The following DST variants were observed in gnomAD, a reference collection of about 807,000 sequenced individuals.
The protein encoded by DST is bullous pemphigoid antigen.
Under a neutral mutation model 875.2 loss-of-function variants are expected in DST, and 253 were observed. The ratio of observed to expected loss-of-function variants is 0.29; its 90% confidence interval spans 0.26 to 0.32. The LOEUF is 0.32. DST is among the 10% of genes least tolerant of loss of function. The probability of loss-of-function intolerance (pLI) is 1.00; values close to 1 mark genes in which losing one functional copy is unlikely to be tolerated. For missense variants in DST, 8,287 were observed against 9,111.6 expected (o/e 0.91, Z 3.68); for synonymous variants, 3,124 against 3,197.1 (o/e 0.98, Z 0.77).
chr6:56,934,406 A>G (rs1030961203), intron 2 of DST, among the ~76,000 whole-genome samples: 1 of 151,678 alleles, frequency 6.6e-6, no homozygotes, highest in African/African-American at 2.4e-5. Flanking sequence ...AGCTAACAAT[A>G]ATAAATCACT....
intron 3 of DST, among the ~76,000 whole-genome samples, chr6:56,868,630 A>G (rs1228879939): frequency 6.6e-6 from 1 of 152,212 alleles, no homozygotes; most frequent in Non-Finnish European, 1.5e-5. Flanking sequence ...AAAAACAAAA[A>G]TAAAAACCAA....
intron 5 of DST, among the ~76,000 whole-genome samples, chr6:56,728,296 A>C (rs2099477063): frequency 6.6e-6 from 1 of 152,218 alleles, no homozygotes; most frequent in Non-Finnish European, 1.5e-5. Context: ...GGTTCAAAAG[A>C]TATTTTGCTA....
At chr6:56,798,706 C>A (rs1408083199) in intron 4 of DST, among the ~76,000 whole-genome samples, 1 of 152,050 alleles carries the variant, frequency 6.6e-6, no homozygotes, top group African/African-American at 2.4e-5. Flanking sequence ...AATAGTGATT[C>A]CTCTGATGGA....
chr6:56,582,867 T>C (rs563178998), intron 49 of DST, among the ~76,000 whole-genome samples: 116 of 152,234 alleles, frequency 7.6e-4, no homozygotes, highest in African/African-American at 2.5e-3. Flanking sequence ...GGCCTTGTGA[T>C]AGTTTACTGA....
At chr6:56,648,513 ATTAC>A in intron 13 of DST, 53 bp downstream of exon 13, 15 of 1,444,906 alleles carry the variant, frequency 1.0e-5, no homozygotes, top group Non-Finnish European at 1.4e-5. Context: ...TTATTATAGC[ATTAC>A]TTAAGGGTTT....
chr6:56,702,272 G>A lies in DST; in HGVS notation c.877-307C>T, dbSNP rs1181640798. Among the ~76,000 whole-genome samples, 5 of 152,044 alleles carry A rather than the reference G, an allele frequency of 3.3e-5. No homozygotes were observed. In the South Asian group the frequency reaches 6.2e-4, roughly 19 times the overall value. ...ACTTAATATTTGGTAATAAAACAAC[G>A]CTAGCCTACAATTATTTAGCTATGG... On this transcript the variant is annotated intron_variant, in intron 7 of 103. Coordinates refer to ENST00000680361, the MANE Select transcript of DST (RefSeq NM_001374736.1).
chr6:56,591,433 A>G (rs555143953), intron 49 of DST, among the ~76,000 whole-genome samples: 1 of 152,338 alleles, frequency 6.6e-6, no homozygotes, highest in African/African-American at 2.4e-5. Flanking sequence ...CCAACTGTCC[A>G]TTCCTTAACA....
chr6:56,666,557 C>T (rs989090153), intron 10 of DST, among the ~76,000 whole-genome samples: 2 of 152,022 alleles, frequency 1.3e-5, no homozygotes, highest in Non-Finnish European at 2.9e-5. Context: ...AAACCAAACC[C>T]ACTGTGCCAC....
chr6:56,631,225 GGAA>G lies in DST; in HGVS notation c.4125_4127del (p.Ser1376del), dbSNP rs2098777133. 4 of 1,609,652 alleles carry G rather than the reference GGAA, an allele frequency of 2.5e-6. No homozygotes were observed. Among genetic ancestry groups the G allele is most frequent in the Non-Finnish European group, 3.4e-6 (4 of 1,176,450 alleles). On this transcript the variant is annotated inframe_deletion, in exon 30 of 104. Transcript: ENST00000680361. The stretch of plus-strand genomic sequence containing the variant: ...CAGTTACATACTTATCTATGTAAGT[GGAA>G]GACATAGAATAGACTTGGTTCATGT...
intron 3 of DST, among the ~76,000 whole-genome samples, chr6:56,857,421 T>G (rs897669425): frequency 1.3e-5 from 2 of 152,212 alleles, no homozygotes; most frequent in African/African-American, 4.8e-5. Context: ...AGTTTTGATC[T>G]AAGAAATTTC....
chr6:56,472,734 A>G (rs2094957525), intron 93 of DST, among the ~76,000 whole-genome samples: 2 of 152,174 alleles, frequency 1.3e-5, no homozygotes, highest in South Asian at 4.1e-4. Flanking sequence ...CAGCATGTGT[A>G]TGGGACCCCA....
chr6:56,911,917 T>C (rs185027291), intron 2 of DST, among the ~76,000 whole-genome samples: 2 of 152,324 alleles, frequency 1.3e-5, no homozygotes, highest in East Asian at 3.9e-4. Flanking sequence ...GTTCCTTTTC[T>C]CTCAATACTA....
At position 56,614,314 on chromosome 6, in the gene DST, C is replaced by G. The variant is rs148479045; in HGVS notation, c.5058+42G>C. 8.8e-4 allele frequency: 1,362 copies of G among 1,539,242 alleles called. 4 individuals are homozygous for G. The African/African-American group carries it at 0.017, about 19-fold the overall frequency. ...AACTGTGTCAACTCAGTTAACGTCC[C>G]TGCTATTATTATTATTATTAAACCA... On this transcript the variant is annotated intron_variant, in intron 37 of 103. Coordinates refer to ENST00000680361, the MANE Select transcript of DST (RefSeq NM_001374736.1).
chr6:56,659,703 A>G (rs528480920), intron 10 of DST, among the ~76,000 whole-genome samples: 1 of 152,312 alleles, frequency 6.6e-6, no homozygotes, highest in African/African-American at 2.4e-5. Context: ...AAGGAATGAT[A>G]TAAGGTAGTA....
intron 5 of DST, among the ~76,000 whole-genome samples, chr6:56,715,438 G>C (rs977731203): frequency 2.6e-5 from 4 of 152,150 alleles, no homozygotes; most frequent in African/African-American, 9.7e-5. Context: ...GGCATGCTGA[G>C]CACTTTGAAG....
chr6:56,635,601 A>T lies in DST; in HGVS notation c.3174T>A (p.Val1058=), dbSNP rs2098817202. The T allele has an allele frequency of 1.2e-6, 2 of 1,613,850 alleles. No homozygotes were observed. The highest frequency in any genetic ancestry group is 3.3e-5 in the Admixed American group (2 of 60,006). The change falls in exon 24 of 104, where the codon GTT becomes GTA. Residue 1058 remains valine (V), a synonymous_variant. Coordinates refer to ENST00000680361, the MANE Select transcript of DST (RefSeq NM_001374736.1). ...TTTGTATTAGTACCATTGATTCCTGAACAAGGTCTTCTAGCTTGTGAATGC... is the reference window on the plus strand; with the variant it reads ...TTTGTATTAGTACCATTGATTCCTGTACAAGGTCTTCTAGCTTGTGAATGC... ...SSSIHKLEDL[V]QESMEEKEEL...
At chr6:56,923,830 C>T (rs1406700816) in intron 2 of DST, among the ~76,000 whole-genome samples, 2 of 152,168 alleles carry the variant, frequency 1.3e-5, no homozygotes, top group African/African-American at 2.4e-5. Context: ...CATCCAAAAA[C>T]ACCTTCCCTA....
chr6:56,934,560 T>TTTTATA lies in DST; in HGVS notation c.216+19224_216+19225insTATAAA, dbSNP rs869186436. ...TAAAATATACATATTATATATTATA[T>TTTTATA]TATATATATATATATATATATATAT... On this transcript the variant is annotated intron_variant, in intron 2 of 103. Transcript: ENST00000680361. 1.4e-3 allele frequency among the ~76,000 whole-genome samples: 153 copies of TTTTATA among 106,482 alleles called. 5 individuals carry two copies. The highest frequency in any genetic ancestry group is 0.014 in the East Asian group (57 of 4,194). 69.9% of individuals were successfully genotyped at this position (106,482 alleles called of 152,430 possible). A position where few individuals can be genotyped will look rare whatever the true frequency, so the allele number is the denominator to read the frequency against.
intron 4 of DST, among the ~76,000 whole-genome samples, chr6:56,834,248 C>T (rs990678317): frequency 5.9e-5 from 9 of 152,058 alleles, no homozygotes; most frequent in Non-Finnish European, 1.3e-4. Context: ...GCTTAAAAAG[C>T]GGGCAAAAGA....
Sources: gnomAD v4.1 joint callset for allele counts (sites outside exome capture counted in the v4.1 genomes callset) on GRCh38, gnomAD v4.1.1 for gene constraint, MANE v1.5 for transcripts, NCBI Gene and HGNC (gene_info 2026-07-23, HGNC 2026-07-21) for gene names.